Variants in C4orf50 observed in about 807,000 individuals in gnomAD.
C4orf50 encodes the protein uncharacterized protein C4orf50.
Under a neutral mutation model 77.2 loss-of-function variants are expected in C4orf50, and 80 were observed. That is an observed-to-expected ratio of 1.04 (90% CI 0.87 to 1.25). C4orf50 has a LOEUF of 1.25. C4orf50 is among the 50% of genes most tolerant of loss of function. C4orf50 has a pLI of 0.00. For missense variants in C4orf50, 1,257 were observed against 1,152.9 expected (o/e 1.09, Z -1.31); for synonymous variants, 532 against 465.3 (o/e 1.14, Z -1.84).
chr4:5,904,734 A>G (rs1716476234), intron 7 of C4orf50: 1 of 152,194 alleles, frequency 6.6e-6, no homozygotes, highest in Non-Finnish European at 1.5e-5. Context: ...TCCCTAGGAA[A>G]GAGTTCACAT....
In C4orf50 at chr4:6,015,572, C is replaced by T. The variant is rs1173464638; in HGVS notation, c.287+2573G>A. Among the ~76,000 whole-genome samples, 1 of 152,104 alleles carries T rather than the reference C, an allele frequency of 6.6e-6. No homozygotes were observed. Among genetic ancestry groups the T allele is most frequent in the Non-Finnish European group, 1.5e-5 (1 of 68,032 alleles). Reference sequence around the variant, plus strand: ...TGTCTATGTGGAGTTTGCCCATTCTCCCCATGTCTGTGTGGGCTTTCTCGG... The same window carrying T: ...TGTCTATGTGGAGTTTGCCCATTCTTCCCATGTCTGTGTGGGCTTTCTCGG... On this transcript the variant is annotated intron_variant, in intron 23 of 33. Transcript: ENST00000531445. This position sits in a 1 kb window ranked among gnomAD's most constrained non-coding sequence, Gnocchi z 4.4.
rs1266290616 is a variant in C4orf50, at chr4:5,901,782, T to A, written c.*2475-3594A>T. The A allele has an allele frequency of 1.3e-5, 2 of 152,190 alleles. No homozygotes were observed. Among genetic ancestry groups the A allele is most frequent in the African/African-American group, 2.4e-5 (1 of 41,402 alleles). The allele number at this position is 152,190 out of a possible 1,614,324, so 9.4% of individuals were successfully genotyped here. ...ACCGAAGCAGCACAGGCTGGCAGGA[T>A]CACCATGCTGTCTAAAGGTCTGGGG... On this transcript the variant is annotated intron_variant, in intron 7 of 7. Transcript: ENST00000324058. The surrounding 1 kb of genome is among the most constrained non-coding windows in gnomAD (Gnocchi z 4.4).
chr4:5,980,123 G>A lies in C4orf50; in HGVS notation c.3864+51C>T, dbSNP rs754162985. On this transcript the variant is annotated intron_variant, in intron 29 of 33. Coordinates refer to ENST00000531445, the Ensembl canonical transcript of C4orf50. Reference sequence around the variant, plus strand: ...TCTTTGTTCACTCCCAAAACGCCCCGGGGTGTGGGAGCCCTGGCTGACAAG... The same window carrying A: ...TCTTTGTTCACTCCCAAAACGCCCCAGGGTGTGGGAGCCCTGGCTGACAAG... 15 of 1,494,744 alleles carry A rather than the reference G, an allele frequency of 1.0e-5. No individual in the cohort carries two copies. In the South Asian group the frequency reaches 1.2e-4, roughly 12 times the overall value. The allele number at this position is 1,494,744 out of a possible 1,614,324, so 92.6% of individuals were successfully genotyped here. A position where few individuals can be genotyped will look rare whatever the true frequency, so the allele number is the denominator to read the frequency against.
chr4:5,999,082 G>A (rs952220577), intron 25 of C4orf50, among the ~76,000 whole-genome samples: 4 of 152,304 alleles, frequency 2.6e-5, no homozygotes, highest in East Asian at 1.9e-4. Context: ...TTGTGGATAG[G>A]GCACTGCCCC....
Position 5,932,458 on chromosome 4 carries a change from GTGTT to G in C4orf50, c.*2474+24439_*2474+24442del, listed in dbSNP as rs1297943740. The stretch of plus-strand genomic sequence containing the variant: ...ATCAGACTGTGGTGGGAACATTACA[GTGTT>G]TGTTTGTTTTGGAGCCTGGCTGGAG... On this transcript the variant is annotated intron_variant, in intron 7 of 7. Coordinates refer to the C4orf50 transcript ENST00000324058. This position sits in a 1 kb window ranked among gnomAD's most constrained non-coding sequence, Gnocchi z 4.2. Among the ~76,000 whole-genome samples, 3 of 152,130 alleles carry G rather than the reference GTGTT, an allele frequency of 2.0e-5. No homozygotes were observed. The highest frequency in any genetic ancestry group is 3.9e-4 in the East Asian group (2 of 5,174).
rs1479223228 is a variant in C4orf50, at chr4:5,932,547, C to T, written c.*2474+24354G>A. 2.0e-5 allele frequency among the ~76,000 whole-genome samples: 3 copies of T among 152,166 alleles called. No individual in the cohort carries two copies. The highest frequency in any genetic ancestry group is 2.1e-4 in the South Asian group (1 of 4,828). On this transcript the variant is annotated intron_variant, in intron 7 of 7. Transcript: ENST00000324058. The surrounding 1 kb of genome is among the most constrained non-coding windows in gnomAD (Gnocchi z 4.2). Reference sequence around the variant, plus strand: ...ACCTCCCAGGCTCAATTGATCCTCCCGCCTCAGCCTCCTGAGTAGCTGCAA... The same window carrying T: ...ACCTCCCAGGCTCAATTGATCCTCCTGCCTCAGCCTCCTGAGTAGCTGCAA...
At chr4:5,968,507 C>T (rs1719711773) in intron 31 of C4orf50, among the ~76,000 whole-genome samples, 1 of 152,214 alleles carries the variant, frequency 6.6e-6, no homozygotes. Context: ...GAGCACTTTG[C>T]TGTCACCCTT....
chr4:6,001,322 G>A (rs1178783476), intron 25 of C4orf50, among the ~76,000 whole-genome samples: 2 of 152,152 alleles, frequency 1.3e-5, no homozygotes, highest in Non-Finnish European at 2.9e-5. Flanking sequence ...GATAATTTTT[G>A]TATTTTTAGT....
At chr4:6,005,968 GT>G (rs1461482052) in intron 25 of C4orf50, among the ~76,000 whole-genome samples, 1 of 152,176 alleles carries the variant, frequency 6.6e-6, no homozygotes, top group Non-Finnish European at 1.5e-5. Flanking sequence ...AAAGTCTTAC[GT>G]TTAGGAAAAT....
intron 7 of C4orf50, among the ~76,000 whole-genome samples, chr4:5,935,800 A>AAAAAAAAAAAAT: frequency 6.6e-6 from 1 of 150,476 alleles, no homozygotes; most frequent in Non-Finnish European, 1.5e-5. Flanking sequence ...AAAAAAAAAA[A>AAAAAAAAAAAAT]AAAAAAAAAA....
rs933997210 is a variant in C4orf50, at chr4:5,916,651, C to A, written c.*2475-18463G>T. Reference sequence around the variant, plus strand: ...GCAGGTGGTTTATTTGGGGGGAGATCCCAGAAGTAGGAGTGAGGGAGCAGG... The same window carrying A: ...GCAGGTGGTTTATTTGGGGGGAGATACCAGAAGTAGGAGTGAGGGAGCAGG... On this transcript the variant is annotated intron_variant, in intron 7 of 7. Transcript: ENST00000324058. The surrounding 1 kb of genome is among the most constrained non-coding windows in gnomAD (Gnocchi z 4.4). Among the ~76,000 whole-genome samples the A allele has an allele frequency of 1.3e-5, 2 of 152,090 alleles. No homozygotes were observed. Among genetic ancestry groups the A allele is most frequent in the Non-Finnish European group, 2.9e-5 (2 of 68,010 alleles).
chr4:5,906,502 G>A (rs1173488529), intron 7 of C4orf50, among the ~76,000 whole-genome samples: 1 of 152,144 alleles, frequency 6.6e-6, no homozygotes, highest in Non-Finnish European at 1.5e-5. Context: ...AGCCTTCATG[G>A]ATGCACCAGA....
intron 7 of C4orf50, among the ~76,000 whole-genome samples, chr4:5,937,128 TA>T: frequency 6.6e-6 from 1 of 151,348 alleles, no homozygotes; most frequent in Non-Finnish European, 1.5e-5. Context: ...CAGGGAGAAC[TA>T]AACTAAACTC....
At chr4:5,979,127 T>C (rs943032470) in intron 29 of C4orf50, among the ~76,000 whole-genome samples, 25 of 152,244 alleles carry the variant, frequency 1.6e-4, no homozygotes, top group Admixed American at 1.6e-3. Flanking sequence ...GCTATCATTT[T>C]GGAGGGTTAC....
chr4:5,997,724 C>T (rs1423679319), intron 25 of C4orf50, among the ~76,000 whole-genome samples: 2 of 152,282 alleles, frequency 1.3e-5, no homozygotes, highest in African/African-American at 2.4e-5. Context: ...CCCTTCTGGG[C>T]TTTTTTCTAT....
intron 25 of C4orf50, among the ~76,000 whole-genome samples, chr4:6,004,161 ATAG>A (rs1722059196): frequency 7.2e-5 from 6 of 83,170 alleles, no homozygotes; most frequent in Admixed American, 2.4e-4. Flanking sequence ...GATGGTGATG[ATAG>A]TGATGATGGT....
At chr4:5,989,532 G>C (rs1721128232) in exon 28 of C4orf50, 1 of 1,536,144 alleles carries the variant, frequency 6.5e-7, no homozygotes, top group Non-Finnish European at 8.7e-7. Flanking sequence ...CAAAGCTCCA[G>C]TTCTCTCCCC....
chr4:5,919,385 T>C lies in C4orf50; in HGVS notation c.*2475-21197A>G. Among the ~76,000 whole-genome samples, 1 of 145,990 alleles carries C rather than the reference T, an allele frequency of 6.8e-6. No individual in the cohort carries two copies. Among genetic ancestry groups the C allele is most frequent in the African/African-American group, 2.6e-5 (1 of 38,574 alleles). Reference sequence around the variant, plus strand: ...GGTGACACATTAGATCTTCTTTCACTCACTCCCTGTAGGCAGTGGACTGAG... The same window carrying C: ...GGTGACACATTAGATCTTCTTTCACCCACTCCCTGTAGGCAGTGGACTGAG... On this transcript the variant is annotated intron_variant, in intron 7 of 7. Coordinates refer to the C4orf50 transcript ENST00000324058. The surrounding 1 kb of genome is among the most constrained non-coding windows in gnomAD (Gnocchi z 6.5).
chr4:5,993,837 T>A (rs1377819502), intron 26 of C4orf50, among the ~76,000 whole-genome samples: 10 of 116,298 alleles, frequency 8.6e-5, no homozygotes, highest in African/African-American at 2.6e-4. Flanking sequence ...AATAAAAAAA[T>A]AAAAATAAAT....
Sources: allele counts gnomAD v4.1 joint callset (sites outside exome capture counted in the v4.1 genomes callset), GRCh38; gene constraint gnomAD v4.1.1; non-coding constraint Gnocchi (gnomAD v3.1); transcripts MANE v1.5; gene names NCBI Gene and HGNC (gene_info 2026-07-23, HGNC 2026-07-21).